The following ZNF214 variants were observed in gnomAD, a reference collection of about 807,000 sequenced individuals.
The protein encoded by ZNF214 is BWSCR2-associated zinc finger protein 1.
ZNF214 carries 43 observed loss-of-function variants against 53.9 expected under a neutral mutation model. That is an observed-to-expected ratio of 0.80 (90% CI 0.63 to 1.03). ZNF214 has a LOEUF of 1.03. ZNF214 is among the 50% of genes least tolerant of loss of function. The pLI is 0.00. For synonymous variants in ZNF214, 217 were observed against 229.5 expected (o/e 0.95, Z 0.49); for missense variants, 724 against 719.1 (o/e 1.01, Z -0.08).
At chr11:7,017,711 T>G (rs145930268) in intron 1 of ZNF214, among the ~76,000 whole-genome samples, 5,371 of 150,356 alleles carry the variant, frequency 0.036, 147 homozygotes, top group East Asian at 0.13. Context: ...TGCACTCCAG[T>G]CTGGGCGACA....
At chr11:7,017,402 C>T (rs962551756) in intron 1 of ZNF214, among the ~76,000 whole-genome samples, 1 of 152,050 alleles carries the variant, frequency 6.6e-6, no homozygotes, top group African/African-American at 2.4e-5. Flanking sequence ...ATATACTTAA[C>T]AAATTATGTA....
At chr11:7,016,005 G>T (rs975444187) in intron 1 of ZNF214, 1 of 151,730 alleles carries the variant, frequency 6.6e-6, no homozygotes, top group Non-Finnish European at 1.5e-5. Flanking sequence ...AATCAATGAT[G>T]TTGGGACAAA....
In ZNF214 at chr11:7,000,069, A is replaced by G. The variant is rs1260371618; in HGVS notation, c.1614T>C (p.Ser538=). 1 of 1,613,326 alleles carries G rather than the reference A, an allele frequency of 6.2e-7. No homozygotes were observed. The highest frequency in any genetic ancestry group is 8.5e-7 in the Non-Finnish European group (1 of 1,179,552). Residue 538 remains serine, a synonymous_variant, in exon 3 of 3, where the codon AGT becomes AGC. Transcript: ENST00000278314. ...CCCTCTGATGAATGTGAAGATTAGA[A>G]CTGTGACTAAAACCCTTTCCACAAT... ...CHDCGKGFSH[S]SNLHIHQRVH...
intron 1 of ZNF214, among the ~76,000 whole-genome samples, chr11:7,013,622 T>C (rs11041135): frequency 1.3e-5 from 2 of 152,162 alleles, no homozygotes; most frequent in Non-Finnish European, 2.9e-5. Context: ...CTTCGCAGCC[T>C]CCGTACAATA....
At chr11:7,014,704 C>A (rs7126680) in intron 1 of ZNF214, among the ~76,000 whole-genome samples, 1 of 151,316 alleles carries the variant, frequency 6.6e-6, no homozygotes, top group Non-Finnish European at 1.5e-5. Flanking sequence ...TGGTGGCTCA[C>A]ACCTATAATC....
chr11:7,007,759 A>T (rs1037154310), intron 1 of ZNF214, among the ~76,000 whole-genome samples: 3 of 152,046 alleles, frequency 2.0e-5, no homozygotes, highest in African/African-American at 7.2e-5. Flanking sequence ...TACAAATAAT[A>T]AGCTTCAGTT....
intron 1 of ZNF214, among the ~76,000 whole-genome samples, chr11:7,017,555 G>A (rs1173262757): frequency 1.3e-5 from 2 of 151,964 alleles, no homozygotes; most frequent in Non-Finnish European, 2.9e-5. Context: ...TGGGCAACAC[G>A]GTGAAACCCC....
chr11:7,000,295 A>T lies in ZNF214; in HGVS notation c.1388T>A (p.Val463Asp). ...HSSDLRIHQR[V>D]HTGEKPYTCP... ...AGTATAGGGTTTCTCCCCTGTATGG[A>T]CTCTCTGATGAATGCGAAGATCTGA... is the stretch of plus-strand genomic sequence containing the variant. Residue 463 changes from valine (V) to aspartate (D), a missense_variant, in exon 3 of 3, where the codon GTC becomes GAC. Physicochemically the swap from Val to Asp is radical, Grantham distance 152. Transcript: ENST00000278314. The T allele has an allele frequency of 6.2e-7, 1 of 1,613,114 alleles. No homozygotes were observed. Among genetic ancestry groups the T allele is most frequent in the Non-Finnish European group, 8.5e-7 (1 of 1,179,528 alleles).
intron 1 of ZNF214, among the ~76,000 whole-genome samples, chr11:7,013,102 C>T (rs538662432): frequency 2.0e-4 from 31 of 152,168 alleles, no homozygotes; most frequent in Non-Finnish European, 4.0e-4. Flanking sequence ...TTTCAAGTGG[C>T]GGGGGCTATC....
chr11:7,016,840 A>G (rs1299774857), intron 1 of ZNF214, among the ~76,000 whole-genome samples: 2 of 152,182 alleles, frequency 1.3e-5, no homozygotes, highest in Non-Finnish European at 2.9e-5. Context: ...CACAATTAAG[A>G]AACAGGAAAA....
At chr11:7,018,645 G>A (rs888349887) in intron 1 of ZNF214, among the ~76,000 whole-genome samples, 1 of 151,700 alleles carries the variant, frequency 6.6e-6, no homozygotes, top group Non-Finnish European at 1.5e-5. Flanking sequence ...GGGATTACAG[G>A]TGCCTGCCAC....
At chr11:7,001,693 G>T in intron 2 of ZNF214, 138 bp from the exon 3 acceptor site, 2 of 933,940 alleles carry the variant, frequency 2.1e-6, no homozygotes, top group Non-Finnish European at 3.1e-6. Context: ...GACTCTGCCT[G>T]CTCCATTTGG....
At chr11:7,013,789 A>G (rs1851675574) in intron 1 of ZNF214, among the ~76,000 whole-genome samples, 1 of 152,242 alleles carries the variant, frequency 6.6e-6, no homozygotes. Flanking sequence ...ATCTGTTATA[A>G]TACCAAAGCA....
intron 1 of ZNF214, among the ~76,000 whole-genome samples, chr11:7,003,768 A>G (rs1272021791): frequency 6.6e-6 from 1 of 152,002 alleles, no homozygotes; most frequent in Non-Finnish European, 1.5e-5. Flanking sequence ...CCAAACTACT[A>G]TTTTCCAAAT....
chr11:7,003,538 G>A lies in ZNF214; in HGVS notation c.-20-683C>T, dbSNP rs116208745. Among the ~76,000 whole-genome samples the A allele has an allele frequency of 7.3e-3, 1,114 of 152,074 alleles. 11 individuals carry two copies. Among genetic ancestry groups the A allele is most frequent in the African/African-American group, 0.019 (801 of 41,544 alleles). ...ATTATTATTCACAATAAATGAATAC[G>A]CAATCTAACGTTTAGCAAGACTAAG... On this transcript the variant is annotated intron_variant, in intron 1 of 2. Coordinates refer to ENST00000278314, the MANE Select transcript of ZNF214 (RefSeq NM_013249.4).
At chr11:7,001,607 A>T (rs1564992378) in intron 2 of ZNF214, 52 bp from the exon 3 acceptor site, 1 of 1,519,868 alleles carries the variant, frequency 6.6e-7, no homozygotes, top group South Asian at 1.3e-5. Flanking sequence ...GTGTTGAAAA[A>T]TTTCCAACTA....
chr11:7,000,184 C>A lies in ZNF214; in HGVS notation c.1499G>T (p.Cys500Phe), dbSNP rs1421512802. ...RVHTGEKPYK[C>F]EECGKGFSQR... The stretch of plus-strand genomic sequence containing the variant: ...ACTGAATCCCTTGCCACACTCTTCA[C>A]ATTTGTAGGGTTTCTCTCCAGTATG... The change falls in exon 3 of 3, where the codon TGT becomes TTT. Residue 500 changes from cysteine (C) to phenylalanine (F), a missense_variant. Transcript: ENST00000278314. 1 of 1,613,248 alleles carries A rather than the reference C, an allele frequency of 6.2e-7. No homozygotes were observed. The highest frequency in any genetic ancestry group is 8.5e-7 in the Non-Finnish European group (1 of 1,179,568).
At chr11:7,019,151 G>C (rs1851851405) in intron 1 of ZNF214, among the ~76,000 whole-genome samples, 1 of 152,186 alleles carries the variant, frequency 6.6e-6, no homozygotes, top group Non-Finnish European at 1.5e-5. Flanking sequence ...AGACGGCTGA[G>C]CTGAGGAGGA....
intron 1 of ZNF214, among the ~76,000 whole-genome samples, chr11:7,007,781 G>T (rs897337641): frequency 6.6e-6 from 1 of 151,894 alleles, no homozygotes; most frequent in African/African-American, 2.4e-5. Flanking sequence ...TTTTATCTGT[G>T]TTGAACTCTA....
Sources: allele counts gnomAD v4.1 joint callset (sites outside exome capture counted in the v4.1 genomes callset), GRCh38; gene constraint gnomAD v4.1.1; transcripts MANE v1.5; gene names NCBI Gene and HGNC (gene_info 2026-07-23, HGNC 2026-07-21).